The following PAX2 variants were observed in gnomAD, a reference collection of about 807,000 sequenced individuals.
PAX2 encodes the protein paired box 2.
In PAX2, 9 loss-of-function variants were observed where a neutral mutation model predicts 41.7. The ratio of observed to expected loss-of-function variants is 0.22; its 90% CI spans 0.13 to 0.38. PAX2 has a LOEUF of 0.38. PAX2 is among the 10% of genes least tolerant of loss of function. PAX2 has a pLI of 1.00. For missense variants in PAX2, 418 were observed against 531.6 expected (o/e 0.79, Z 2.10); for synonymous variants, 221 against 212.7 (o/e 1.04, Z -0.34).
At chr10:100,787,050 G>A in intron 5 of PAX2, 2 of 1,205,762 alleles carry the variant, frequency 1.7e-6, no homozygotes, top group Non-Finnish European at 1.2e-6. Flanking sequence ...GGGGTCAAGG[G>A]AAATAGCTTG....
chr10:100,759,033 C>T (rs987865204), intron 3 of PAX2, among the ~76,000 whole-genome samples: 1 of 152,086 alleles, frequency 6.6e-6, no homozygotes, highest in Non-Finnish European at 1.5e-5. Flanking sequence ...GAAGGAAGGG[C>T]GCTGCCTTGG....
intron 5 of PAX2, among the ~76,000 whole-genome samples, chr10:100,788,290 A>G (rs989741194): frequency 6.6e-6 from 1 of 152,172 alleles, no homozygotes; most frequent in Non-Finnish European, 1.5e-5. Context: ...GGCTGCCTCC[A>G]TGGCTGGATT....
rs549840793 is a variant in PAX2, at chr10:100,749,361, C to T, written c.44-385C>T. 5.4e-5 allele frequency: 56 copies of T among 1,029,146 alleles called. No homozygotes were observed. The African/African-American group carries it at 8.5e-4, about 16-fold the overall frequency. The allele number at this position is 1,029,146 out of a possible 1,614,324, so 63.8% of individuals were successfully genotyped here. Reference sequence around the variant, plus strand: ...CTGCGGCGCAGGCGGGATGCTGCTTCGCACTAGTCCAGTCCTCTGCCAGGC... The same window carrying T: ...CTGCGGCGCAGGCGGGATGCTGCTTTGCACTAGTCCAGTCCTCTGCCAGGC... On this transcript the variant is annotated intron_variant, in intron 1 of 9. Coordinates refer to ENST00000355243, the MANE Select transcript of PAX2 (RefSeq NM_000278.5).
In PAX2 at chr10:100,746,166, C is replaced by G. The variant is rs1454288997; in HGVS notation, c.-95C>G. 7 of 1,606,032 alleles carry G rather than the reference C, an allele frequency of 4.4e-6. No individual in the cohort carries two copies. Among genetic ancestry groups the G allele is most frequent in the Admixed American group, 3.3e-5 (2 of 59,974 alleles). On this transcript the variant is annotated 5_prime_UTR_variant, in exon 1 of 10. Transcript: ENST00000355243. ...CGGGCGTTCACTCATCCTCCCTCCC[C>G]CACCGTCCCTCCCTTTTCTCCTCAA... is the stretch of plus-strand genomic sequence containing the variant.
At chr10:100,815,074 T>C (rs1848142210) in intron 7 of PAX2, among the ~76,000 whole-genome samples, 1 of 152,172 alleles carries the variant, frequency 6.6e-6, no homozygotes, top group African/African-American at 2.4e-5. Flanking sequence ...TTTTAGCAGA[T>C]AGAGGTGTGG....
intron 5 of PAX2, among the ~76,000 whole-genome samples, chr10:100,800,017 C>T (rs1370469817): frequency 6.6e-6 from 1 of 151,750 alleles, no homozygotes; most frequent in African/African-American, 2.4e-5. Context: ...GAATTCATGA[C>T]CTTGTGATTC....
intron 7 of PAX2, among the ~76,000 whole-genome samples, chr10:100,819,565 C>T (rs191594170): frequency 6.6e-6 from 1 of 151,864 alleles, no homozygotes; most frequent in East Asian, 1.9e-4. Flanking sequence ...AGCGAGACTC[C>T]GTCTTAATAA....
intron 3 of PAX2, among the ~76,000 whole-genome samples, chr10:100,758,135 G>A (rs1339295318): frequency 6.7e-6 from 1 of 149,492 alleles, no homozygotes; most frequent in African/African-American, 2.6e-5. Flanking sequence ...AGCGAGTCAG[G>A]TGCCATTCTT....
chr10:100,756,064 A>G (rs796738192), intron 3 of PAX2, among the ~76,000 whole-genome samples: 2 of 152,330 alleles, frequency 1.3e-5, no homozygotes, highest in African/African-American at 4.8e-5. Context: ...GTTCTGGTGC[A>G]CATGGGAGAG....
At chr10:100,804,811 A>T (rs914092799) in intron 5 of PAX2, among the ~76,000 whole-genome samples, 6 of 152,194 alleles carry the variant, frequency 3.9e-5, no homozygotes, top group Non-Finnish European at 8.8e-5. Flanking sequence ...TGATGCATAC[A>T]TCCCGTAAGA....
chr10:100,803,258 G>T (rs544899745), intron 5 of PAX2, among the ~76,000 whole-genome samples: 4 of 151,996 alleles, frequency 2.6e-5, no homozygotes, highest in African/African-American at 9.7e-5. Context: ...CTTCTGGTGC[G>T]GAAGGCTTCT....
At chr10:100,785,942 A>T (rs925351621) in intron 5 of PAX2, among the ~76,000 whole-genome samples, 1 of 152,164 alleles carries the variant, frequency 6.6e-6, no homozygotes, top group East Asian at 1.9e-4. Context: ...TAAAATGAAG[A>T]TGGTAATGGC....
intron 1 of PAX2, among the ~76,000 whole-genome samples, chr10:100,746,855 G>A (rs563711205): frequency 6.6e-6 from 1 of 152,338 alleles, no homozygotes; most frequent in South Asian, 2.1e-4. Context: ...AAGAGTGTGG[G>A]GGTGGGGTGC....
chr10:100,794,892 C>T (rs549987659), intron 5 of PAX2, among the ~76,000 whole-genome samples: 10 of 152,102 alleles, frequency 6.6e-5, no homozygotes, highest in African/African-American at 2.4e-4. Context: ...TAGGGCATTC[C>T]ATTTATCCCT....
Position 100,789,704 on chromosome 10 carries a change from A to G in PAX2, c.616+8339A>G, listed in dbSNP as rs547412482. On this transcript the variant is annotated intron_variant, in intron 5 of 9. Coordinates refer to ENST00000355243, the MANE Select transcript of PAX2 (RefSeq NM_000278.5). ...TCAGCACTCACCAAAACACAGGGGG[A>G]AAAAAAACTCATTTATGAACACACA... Among the ~76,000 whole-genome samples the G allele has an allele frequency of 3.9e-5, 6 of 152,130 alleles. No homozygotes were observed. The East Asian group carries it at 1.2e-3, about 30-fold the overall frequency.
At chr10:100,820,920 C>T (rs1176192719) in intron 7 of PAX2, among the ~76,000 whole-genome samples, 1 of 152,190 alleles carries the variant, frequency 6.6e-6, no homozygotes, top group Non-Finnish European at 1.5e-5. Flanking sequence ...ATGTATTCTG[C>T]CACATAACTG....
chr10:100,809,118 G>A lies in PAX2; in HGVS notation c.801G>A (p.Glu267=), dbSNP rs1473044359. Residue 267 remains glutamate, a synonymous_variant, in exon 7 of 10, where the codon GAG becomes GAA. Transcript: ENST00000355243. The part of the protein sequence containing the change: ...SEHIKSEQGN[E]YSLPALTPGL... ...TTTCTCTCTCCTCCCAGGGGAACGAGTACTCCCTCCCAGCCCTGACCCCTG... is the reference window on the plus strand; with the variant it reads ...TTTCTCTCTCCTCCCAGGGGAACGAATACTCCCTCCCAGCCCTGACCCCTG... 1 of 1,613,460 alleles carries A rather than the reference G, an allele frequency of 6.2e-7. No individual in the cohort carries two copies.
Position 100,763,327 on chromosome 10 carries a change from C to T in PAX2, c.410+12436C>T, listed in dbSNP as rs147902440. On this transcript the variant is annotated intron_variant, in intron 3 of 9. Coordinates refer to ENST00000355243, the MANE Select transcript of PAX2 (RefSeq NM_000278.5). Reference sequence around the variant, plus strand: ...AAAGATCTGGCGATTTAGAAATGTCCACATAATTGATTGAATTTCTCAGTT... The same window carrying T: ...AAAGATCTGGCGATTTAGAAATGTCTACATAATTGATTGAATTTCTCAGTT... 4.4e-3 allele frequency among the ~76,000 whole-genome samples: 665 copies of T among 152,326 alleles called. 6 individuals are homozygous for T. Among genetic ancestry groups the T allele is most frequent in the African/African-American group, 0.015 (619 of 41,564 alleles).
intron 5 of PAX2, among the ~76,000 whole-genome samples, chr10:100,783,653 T>A (rs1327088699): frequency 1.6e-5 from 2 of 127,644 alleles, no homozygotes; most frequent in African/African-American, 6.0e-5. Flanking sequence ...ATAGAAGGAG[T>A]TTGGGCTTTT....
Sources: gnomAD v4.1 joint callset for allele counts (sites outside exome capture counted in the v4.1 genomes callset) on GRCh38, gnomAD v4.1.1 for gene constraint, MANE v1.5 for transcripts, NCBI Gene and HGNC (gene_info 2026-07-23, HGNC 2026-07-21) for gene names.